Variants in MZT2A observed in about 807,000 individuals in gnomAD.
The protein encoded by MZT2A is mitotic-spindle organizing protein 2A.
MZT2A carries 8 observed loss-of-function variants against 12.4 expected under a neutral mutation model. That is an observed-to-expected ratio of 0.64 (90% CI 0.38 to 1.16). The LOEUF (loss-of-function observed/expected upper bound fraction) is 1.16. Ranked by LOEUF, MZT2A falls within the 50% of genes most tolerant of loss-of-function variation. The pLI is 0.01. For synonymous variants in MZT2A, 88 were observed against 107.5 expected, an observed-to-expected ratio of 0.82 and a Z score of 1.12; for missense variants, 181 against 223.6, an observed-to-expected ratio of 0.81 and a Z score of 1.22.
chr2:131,492,781 C>CGGGGG (rs71983887), upstream of MZT2A: 34 of 774,190 alleles, frequency 4.4e-5, no homozygotes, highest in African/African-American at 8.5e-4. Context: ...GGTCGCTCTT[C>CGGGGG]GGGGGGGGTG....
At chr2:131,491,552 G>T in intron 2 of MZT2A, 1 of 489,528 alleles carries the variant, frequency 2.0e-6, no homozygotes. Context: ...GAGCCACGGC[G>T]CCCAGCCCCA....
At chr2:131,476,002 A>C in intron 2 of MZT2A, 1 of 971,484 alleles carries the variant, frequency 1.0e-6, no homozygotes, top group South Asian at 1.6e-5. Context: ...CCCAGTACAC[A>C]TGTTGAGCAA....
At chr2:131,484,653 C>T (rs1406205373) in intron 2 of MZT2A, among the ~76,000 whole-genome samples, 1 of 152,242 alleles carries the variant, frequency 6.6e-6, no homozygotes, top group Non-Finnish European at 1.5e-5. Context: ...GACTGCACAT[C>T]TGAGCTGCCC....
intron 2 of MZT2A, chr2:131,489,876 G>A (rs779143063): frequency 3.0e-5 from 29 of 969,884 alleles, no homozygotes; most frequent in Non-Finnish European, 3.2e-5. Context: ...TCCCTGCCAC[G>A]CCCTCTGCCC....
At chr2:131,486,348 C>T (rs1679049997) in intron 2 of MZT2A, 1 of 165,382 alleles carries the variant, frequency 6.0e-6, no homozygotes, top group Non-Finnish European at 1.5e-5. Context: ...CAGCATCCTC[C>T]TCTGAGGCCA....
At chr2:131,474,306 C>T (rs760154812) in intron 2 of MZT2A, among the ~76,000 whole-genome samples, 25 of 151,862 alleles carry the variant, frequency 1.6e-4, no homozygotes, top group Non-Finnish European at 3.2e-4. Flanking sequence ...ACCGTGTTAG[C>T]CAGGATGGTC....
intron 2 of MZT2A, among the ~76,000 whole-genome samples, chr2:131,473,972 C>G (rs1446393888): frequency 6.7e-6 from 1 of 148,658 alleles, no homozygotes; most frequent in African/African-American, 2.6e-5. Context: ...TTCAGTCACA[C>G]GCCTTGTACT....
chr2:131,492,703 G>T, upstream of MZT2A: 1 of 1,273,600 alleles, frequency 7.9e-7, no homozygotes. Context: ...GGCATACATT[G>T]GGCGCTCAGT....
chr2:131,489,696 A>C, intron 2 of MZT2A: 9 of 217,762 alleles, frequency 4.1e-5, no homozygotes, highest in Non-Finnish European at 7.0e-5. Context: ...TATTTTTTGT[A>C]GAGATGGGGT....
At chr2:131,491,801 C>G (rs1679321859) in intron 2 of MZT2A, 75 bp downstream of exon 2, 1 of 1,396,438 alleles carries the variant, frequency 7.2e-7, no homozygotes. Flanking sequence ...GGCCACGCCG[C>G]CGCTGTGCCG....
chr2:131,480,159 C>A (rs145612794), downstream of MZT2A: 2 of 1,580,258 alleles, frequency 1.3e-6, no homozygotes, highest in African/African-American at 1.4e-5. Flanking sequence ...GCTCATGGAG[C>A]GGCTCTCAGT....
intron 2 of MZT2A, among the ~76,000 whole-genome samples, chr2:131,477,423 G>C (rs547322542): frequency 5.6e-4 from 85 of 152,300 alleles, no homozygotes; most frequent in African/African-American, 1.9e-3. Flanking sequence ...AAGGGGTAGA[G>C]AGAGGGAGTG....
upstream of MZT2A, chr2:131,492,866 T>TG (rs1470644670): frequency 6.7e-6 from 10 of 1,492,694 alleles, no homozygotes; most frequent in African/African-American, 1.4e-4. Flanking sequence ...AGCCCTACCT[T>TG]GGGGCGCCAG....
intron 2 of MZT2A, among the ~76,000 whole-genome samples, chr2:131,477,211 G>A (rs6714329): frequency 0.16 from 24,366 of 149,304 alleles, 3,799 homozygotes; most frequent in African/African-American, 0.41. Flanking sequence ...CTAATTTGTA[G>A]ATTTTTCATA....
chr2:131,480,049 C>T (rs749108390), downstream of MZT2A: 71 of 1,562,214 alleles, frequency 4.5e-5, 1 homozygote, highest in Admixed American at 1.7e-4. Flanking sequence ...CATTGGCTCA[C>T]GTTGTGTGGT....
chr2:131,487,646 G>T (rs1389448974), intron 2 of MZT2A, among the ~76,000 whole-genome samples: 4 of 152,288 alleles, frequency 2.6e-5, no homozygotes, highest in Middle Eastern at 3.4e-3. Flanking sequence ...GAAATGGGTG[G>T]GGTCTTGCTA....
intron 2 of MZT2A, chr2:131,476,057 A>T: frequency 6.7e-7 from 1 of 1,501,346 alleles, no homozygotes; most frequent in East Asian, 2.4e-5. Context: ...GCCTCCCAGG[A>T]ACTCCGAGCC....
intron 2 of MZT2A, chr2:131,478,373 G>A: frequency 6.2e-7 from 1 of 1,613,132 alleles, no homozygotes; most frequent in Non-Finnish European, 8.5e-7. Context: ...TGGACCTGGA[G>A]CCCACTGTGG....
chr2:131,477,498 G>A (rs1678713376), intron 2 of MZT2A, among the ~76,000 whole-genome samples: 1 of 152,028 alleles, frequency 6.6e-6, no homozygotes, highest in Non-Finnish European at 1.5e-5. Context: ...GGCCTTGAGA[G>A]GGATTCAGGT....
Sources: gnomAD v4.1 joint callset for allele counts (sites outside exome capture counted in the v4.1 genomes callset) on GRCh38, gnomAD v4.1.1 for gene constraint, MANE v1.5 for transcripts, NCBI Gene and HGNC (gene_info 2026-07-23, HGNC 2026-07-21) for gene names.